The following BIRC6 variants were observed in gnomAD, a reference collection of about 807,000 sequenced individuals.
BIRC6 encodes dual E2 ubiquitin-conjugating enzyme/E3 ubiquitin-protein ligase BIRC6.
Under a neutral mutation model 503.3 loss-of-function variants are expected in BIRC6, and 98 were observed. That is an observed-to-expected ratio of 0.19 (90% CI 0.17 to 0.23). The LOEUF (loss-of-function observed/expected upper bound fraction) is 0.23, where lower values mean the gene tolerates loss of function less well. Among genes scored for constraint, BIRC6 ranks in the 10% least tolerant of loss-of-function variants. The probability of loss-of-function intolerance (pLI) is 1.00; values close to 1 mark genes in which losing one functional copy is unlikely to be tolerated. For missense variants in BIRC6, 5,360 were observed against 5,806.0 expected (o/e 0.92, Z 2.50); for synonymous variants, 2,240 against 2,078.7 (o/e 1.08, Z -2.11).
rs575722405 is a variant in BIRC6, at chr2:32,549,218, A to G, written c.12976-95A>G. On this transcript the variant is annotated intron_variant, in intron 64 of 73. Transcript: ENST00000421745. ...ATAAGATACTGATTAAGTAGAAAATATGTACTCTTAGTATTCAGATTGAAT... is the reference window on the plus strand; with the variant it reads ...ATAAGATACTGATTAAGTAGAAAATGTGTACTCTTAGTATTCAGATTGAAT... 4.9e-6 allele frequency: 4 copies of G among 820,892 alleles called. No individual in the cohort carries two copies. In the East Asian group the frequency reaches 8.4e-5, roughly 17 times the overall value. The allele number at this position is 820,892 out of a possible 1,614,324, so 50.9% of individuals were successfully genotyped here. A position where few individuals can be genotyped will look rare whatever the true frequency, so the allele number is the denominator to read the frequency against.
intron 61 of BIRC6, among the ~76,000 whole-genome samples, chr2:32,541,356 C>G (rs2057648774): frequency 6.6e-6 from 1 of 151,978 alleles, no homozygotes; most frequent in African/African-American, 2.4e-5. Context: ...AAGCTGGCAT[C>G]AAAATTGCAC....
chr2:32,513,177 T>C, intron 54 of BIRC6, 23 bp downstream of exon 54: 1 of 1,577,860 alleles, frequency 6.3e-7, no homozygotes, highest in South Asian at 1.1e-5. Flanking sequence ...TGTGAAATCT[T>C]TTTTATCCCC....
Position 32,415,604 on chromosome 2 carries a change from A to G in BIRC6, c.2313A>G (p.Lys771=). The change falls in exon 10 of 74, where the codon AAA becomes AAG. Residue 771 remains lysine (K), a synonymous_variant. Transcript: ENST00000421745. The part of the protein sequence containing the change: ...NQVEALNNLN[K]LNSALCNRRK... The stretch of plus-strand genomic sequence containing the variant: ...TAGAGGCCTTGAATAATTTAAATAA[A>G]TTAAACTCTGCACTATGTAATAGAC... 6.2e-7 allele frequency: 1 copy of G among 1,613,892 alleles called. No homozygotes were observed. The highest frequency in any genetic ancestry group is 8.5e-7 in the Non-Finnish European group (1 of 1,179,792).
chr2:32,476,267 G>T lies in BIRC6; in HGVS notation c.6775G>T (p.Glu2259Ter). ...GGCATTGGTAGAACAGATGGAAAAAGAAAAAATACAAAGTAACAAAGGATC... is the reference window on the plus strand; with the variant it reads ...GGCATTGGTAGAACAGATGGAAAAATAAAAAATACAAAGTAACAAAGGATC... Reference protein sequence around the residue: ...QKALVEQMEKEKIQSNKGSSY... With the variant: ...QKALVEQMEK Residue 2259 changes from glutamate (E) to a stop codon, truncating the protein, a stop_gained, in exon 34 of 74, where the codon GAA becomes TAA. Transcript: ENST00000421745. LOFTEE classifies it high-confidence loss of function. 1 of 1,557,072 alleles carries T rather than the reference G, an allele frequency of 6.4e-7. No individual in the cohort carries two copies. Among genetic ancestry groups the T allele is most frequent in the South Asian group, 1.2e-5 (1 of 84,324 alleles).
At chr2:32,447,407 C>G (rs1314100802) in intron 21 of BIRC6, among the ~76,000 whole-genome samples, 2 of 146,438 alleles carry the variant, frequency 1.4e-5, no homozygotes, top group Admixed American at 1.3e-4. Flanking sequence ...CCCTCCCGGA[C>G]GGGGCGGCTG....
intron 65 of BIRC6, among the ~76,000 whole-genome samples, chr2:32,562,039 C>T (rs1055632839): frequency 6.6e-6 from 1 of 151,590 alleles, no homozygotes. Flanking sequence ...GAGACTCCAA[C>T]TTAAAAAAAA....
intron 2 of BIRC6, among the ~76,000 whole-genome samples, chr2:32,378,201 G>A (rs2149373869): frequency 6.6e-6 from 1 of 152,162 alleles, no homozygotes; most frequent in East Asian, 1.9e-4. Context: ...AGAGCACTCT[G>A]GCATCTCTCT....
chr2:32,575,634 G>A (rs929965674), intron 66 of BIRC6, among the ~76,000 whole-genome samples: 4 of 151,910 alleles, frequency 2.6e-5, no homozygotes, highest in South Asian at 2.1e-4. Context: ...GCATGGTGGC[G>A]GGCACCTGTA....
At chr2:32,580,078 C>T (rs1285453564) in intron 66 of BIRC6, among the ~76,000 whole-genome samples, 2 of 151,770 alleles carry the variant, frequency 1.3e-5, no homozygotes, top group East Asian at 1.9e-4. Context: ...TTCAGCCTCC[C>T]GAGTAGCTGG....
At chr2:32,412,795 T>TA (rs1217185831) in intron 9 of BIRC6, among the ~76,000 whole-genome samples, 1 of 152,150 alleles carries the variant, frequency 6.6e-6, no homozygotes, top group Admixed American at 6.5e-5. Context: ...GAGATTACAA[T>TA]CTTTTTTAAT....
intron 70 of BIRC6, among the ~76,000 whole-genome samples, chr2:32,602,086 T>C (rs527785712): frequency 3.5e-4 from 54 of 152,360 alleles, no homozygotes; most frequent in African/African-American, 1.3e-3. Context: ...AGTCCCACTA[T>C]TGAATATATA....
At chr2:32,587,710 C>G (rs368098016) in intron 66 of BIRC6, among the ~76,000 whole-genome samples, 1 of 152,080 alleles carries the variant, frequency 6.6e-6, no homozygotes, top group Admixed American at 6.6e-5. Flanking sequence ...TGCGACAGAG[C>G]GAGAATCTAT....
chr2:32,542,427 T>C (rs929047280), intron 61 of BIRC6, among the ~76,000 whole-genome samples: 1 of 152,100 alleles, frequency 6.6e-6, no homozygotes, highest in Non-Finnish European at 1.5e-5. Context: ...CAAAATCTTA[T>C]TCCCCTCAGG....
intron 66 of BIRC6, among the ~76,000 whole-genome samples, chr2:32,588,799 G>C (rs1041443827): frequency 3.9e-5 from 6 of 152,098 alleles, no homozygotes; most frequent in Non-Finnish European, 7.4e-5. Context: ...CATACATATT[G>C]TTTTTACTTG....
At chr2:32,520,325 C>T (rs1331177309) in intron 57 of BIRC6, among the ~76,000 whole-genome samples, 4 of 152,076 alleles carry the variant, frequency 2.6e-5, no homozygotes, top group Admixed American at 1.3e-4. Flanking sequence ...TGCATAAAAT[C>T]GTAATTCTTT....
rs901524490 is a variant in BIRC6, at chr2:32,485,775, A to C, written c.7813+16A>C. The stretch of plus-strand genomic sequence containing the variant: ...TCTCCTACATGTAAGTAAAATGACC[A>C]TTTTTAGAGTATTGCAGTGAATGAT... On this transcript the variant is annotated intron_variant, in intron 40 of 73. Transcript: ENST00000421745. 4.0e-6 allele frequency: 6 copies of C among 1,488,876 alleles called. No homozygotes were observed. Among genetic ancestry groups the C allele is most frequent in the Non-Finnish European group, 4.7e-6 (5 of 1,067,086 alleles). The allele number at this position is 1,488,876 out of a possible 1,614,324, so 92.2% of individuals were successfully genotyped here. A position where few individuals can be genotyped will look rare whatever the true frequency, so the allele number is the denominator to read the frequency against.
At chr2:32,558,553 A>T (rs1173542671) in intron 65 of BIRC6, 2 of 152,210 alleles carry the variant, frequency 1.3e-5, no homozygotes, top group Non-Finnish European at 2.9e-5. Flanking sequence ...TTAATAAAAG[A>T]TTTATTTCCA....
chr2:32,537,769 A>G (rs192568658), intron 61 of BIRC6, among the ~76,000 whole-genome samples: 2,559 of 152,260 alleles, frequency 0.017, 38 homozygotes, highest in Non-Finnish European at 0.027. Flanking sequence ...GATCGAGACC[A>G]TCCTGGCTAA....
chr2:32,613,505 T>G (rs2063024104), intron 73 of BIRC6, among the ~76,000 whole-genome samples: 1 of 152,042 alleles, frequency 6.6e-6, no homozygotes, highest in African/African-American at 2.4e-5. Context: ...CTCAGCCTCC[T>G]GAGTATCTGG....
Sources: gnomAD v4.1 joint callset for allele counts (sites outside exome capture counted in the v4.1 genomes callset) on GRCh38, gnomAD v4.1.1 for gene constraint, MANE v1.5 for transcripts, NCBI Gene and HGNC (gene_info 2026-07-23, HGNC 2026-07-21) for gene names.